The following TMEM132C variants were observed in gnomAD, a reference collection of about 807,000 sequenced individuals.
TMEM132C encodes protein phosphatase 1, regulatory subunit 152.
A neutral mutation model predicts 61.4 loss-of-function variants in TMEM132C; 29 were observed. The ratio of observed to expected loss-of-function variants is 0.47; its 90% CI spans 0.35 to 0.64. The LOEUF (loss-of-function observed/expected upper bound fraction) is 0.64. Among genes scored for constraint, TMEM132C ranks in the 30% least tolerant of loss-of-function variants. The probability of loss-of-function intolerance (pLI) is 0.00; values close to 1 mark genes in which losing one functional copy is unlikely to be tolerated. For synonymous variants in TMEM132C, 656 were observed against 633.1 expected (o/e 1.04, Z -0.54); for missense variants, 1,408 against 1,476.9 (o/e 0.95, Z 0.76).
At chr12:128,433,900 G>A (rs1318016403) in intron 2 of TMEM132C, among the ~76,000 whole-genome samples, 1 of 152,250 alleles carries the variant, frequency 6.6e-6, no homozygotes, top group Non-Finnish European at 1.5e-5. Flanking sequence ...ACAAAAGACA[G>A]AGATGGAACT....
chr12:128,423,417 A>G (rs763233599), intron 2 of TMEM132C, among the ~76,000 whole-genome samples: 15 of 152,204 alleles, frequency 9.9e-5, no homozygotes, highest in Admixed American at 4.6e-4. Context: ...TGCTCTCACC[A>G]TGTTCCAATA....
chr12:128,423,705 TAAAAAA>T (rs1009548257), intron 2 of TMEM132C, among the ~76,000 whole-genome samples: 38 of 147,478 alleles, frequency 2.6e-4, no homozygotes, highest in African/African-American at 9.5e-4. Context: ...CCCTGTCTCT[TAAAAAA>T]AAGAGAAAAG....
chr12:128,312,666 G>A (rs538191911), intron 1 of TMEM132C, among the ~76,000 whole-genome samples: 8 of 152,176 alleles, frequency 5.3e-5, no homozygotes, highest in Non-Finnish European at 1.0e-4. Flanking sequence ...ATCAGGAACT[G>A]GGAGACTCAT....
chr12:128,647,552 A>C (rs1449048919), intron 4 of TMEM132C, among the ~76,000 whole-genome samples: 17 of 151,384 alleles, frequency 1.1e-4, no homozygotes, highest in Admixed American at 6.6e-4. Flanking sequence ...GTTTGATGTG[A>C]GTGTGTTTAC....
chr12:128,494,290 G>A (rs367761887), intron 2 of TMEM132C, among the ~76,000 whole-genome samples: 7 of 152,174 alleles, frequency 4.6e-5, no homozygotes, highest in African/African-American at 1.7e-4. Context: ...ATGTTCATCA[G>A]GGATATTGGT....
intron 1 of TMEM132C, among the ~76,000 whole-genome samples, chr12:128,273,439 A>C (rs548005764): frequency 6.6e-6 from 1 of 151,950 alleles, no homozygotes; most frequent in Non-Finnish European, 1.5e-5. Flanking sequence ...TCTATATGTA[A>C]TGTTGGTTGT....
intron 2 of TMEM132C, among the ~76,000 whole-genome samples, chr12:128,485,966 G>T (rs1335888387): frequency 6.6e-6 from 1 of 152,164 alleles, no homozygotes; most frequent in Non-Finnish European, 1.5e-5. Context: ...AGACTTTGAG[G>T]TGTAGAGTCC....
intron 3 of TMEM132C, among the ~76,000 whole-genome samples, chr12:128,613,516 C>G (rs1876704326): frequency 6.6e-6 from 1 of 152,280 alleles, no homozygotes; most frequent in Non-Finnish European, 1.5e-5. Flanking sequence ...AGACTCAAGA[C>G]ATCTCTCCCT....
chr12:128,608,723 AGATTCT>A (rs1876513239), intron 3 of TMEM132C, among the ~76,000 whole-genome samples: 1 of 152,224 alleles, frequency 6.6e-6, no homozygotes, highest in Non-Finnish European at 1.5e-5. Flanking sequence ...TCACCTCTCA[AGATTCT>A]GATTCTGTTA....
At position 128,706,606 on chromosome 12, in the gene TMEM132C, C is replaced by A; in HGVS notation, c.*311C>A. On this transcript the variant is annotated 3_prime_UTR_variant, in exon 9 of 9. Transcript: ENST00000435159. ...TCAAAACATACTACAGACAAGCTAC[C>A]AAAAATTATTTGTTAAAAAATGCAA... 4.1e-6 allele frequency: 1 copy of A among 245,166 alleles called. No homozygotes were observed. Among genetic ancestry groups the A allele is most frequent in the Middle Eastern group, 1.3e-3 (1 of 776 alleles). 15.2% of individuals were successfully genotyped at this position (245,166 alleles called of 1,614,324 possible).
At chr12:128,290,141 G>T (rs1871206023) in intron 1 of TMEM132C, among the ~76,000 whole-genome samples, 1 of 152,104 alleles carries the variant, frequency 6.6e-6, no homozygotes, top group South Asian at 2.1e-4. Flanking sequence ...AACCCAGTAG[G>T]GCGTGTGATG....
chr12:128,357,628 G>A (rs1286268991), intron 1 of TMEM132C, among the ~76,000 whole-genome samples: 2 of 150,912 alleles, frequency 1.3e-5, no homozygotes, highest in African/African-American at 4.9e-5. Context: ...CCGGGAGGTG[G>A]AGGTTGCAGT....
intron 2 of TMEM132C, among the ~76,000 whole-genome samples, chr12:128,516,460 A>G (rs1872720902): frequency 6.6e-6 from 1 of 152,160 alleles, no homozygotes; most frequent in South Asian, 2.1e-4. Context: ...GGATGGCTCT[A>G]GGATTGGGGC....
At chr12:128,441,816 A>T (rs1028465688) in intron 2 of TMEM132C, among the ~76,000 whole-genome samples, 4 of 152,176 alleles carry the variant, frequency 2.6e-5, no homozygotes, top group African/African-American at 9.7e-5. Context: ...CAACATGGCG[A>T]AACACATGTC....
At chr12:128,295,676 A>G (rs1343509795) in intron 1 of TMEM132C, among the ~76,000 whole-genome samples, 3 of 151,570 alleles carry the variant, frequency 2.0e-5, no homozygotes, top group African/African-American at 7.3e-5. Context: ...AGGGTGGGGT[A>G]CAACCTGAAG....
chr12:128,704,443 G>A (rs141717107), intron 8 of TMEM132C, among the ~76,000 whole-genome samples: 12 of 152,248 alleles, frequency 7.9e-5, no homozygotes, highest in South Asian at 4.1e-4. Context: ...CATGTACTGT[G>A]TCCCACACAT....
chr12:128,535,448 CA>C (rs1442548317), intron 2 of TMEM132C, among the ~76,000 whole-genome samples: 1 of 152,110 alleles, frequency 6.6e-6, no homozygotes, highest in African/African-American at 2.4e-5. Context: ...AGACACTTCG[CA>C]AAAGAAGACA....
chr12:128,626,097 T>A (rs1954012701), intron 4 of TMEM132C, among the ~76,000 whole-genome samples: 1 of 151,990 alleles, frequency 6.6e-6, no homozygotes, highest in Non-Finnish European at 1.5e-5. Flanking sequence ...TGAAGTTATT[T>A]TGAATTTTGG....
chr12:128,543,848 G>A (rs1873849106), intron 2 of TMEM132C, 109 bp from the exon 3 acceptor site: 3 of 1,421,120 alleles, frequency 2.1e-6, no homozygotes, highest in African/African-American at 1.5e-5. Flanking sequence ...TATGAAAAAA[G>A]TGGAAAAGCA....
Sources: allele counts gnomAD v4.1 joint callset (sites outside exome capture counted in the v4.1 genomes callset), GRCh38; gene constraint gnomAD v4.1.1; transcripts MANE v1.5; gene names NCBI Gene and HGNC (gene_info 2026-07-23, HGNC 2026-07-21).